BAHD1: variants seen among roughly 807,000 people sequenced by gnomAD.
The protein encoded by BAHD1 is bromo adjacent homology domain-containing 1 protein.
A neutral mutation model predicts 63.1 loss-of-function variants in BAHD1; 20 were observed. That is an observed-to-expected ratio of 0.32 (90% CI 0.22 to 0.46). BAHD1 has a LOEUF of 0.46. Ranked by LOEUF, BAHD1 falls within the 20% of genes least tolerant of loss-of-function variation. The pLI, the probability that BAHD1 is intolerant of heterozygous loss-of-function variation, is 1.00. For missense variants in BAHD1, 939 were observed against 1,071.8 expected (o/e 0.88, Z 1.73); for synonymous variants, 408 against 426.8 (o/e 0.96, Z 0.54).
chr15:40,441,228 T>C lies in BAHD1; in HGVS notation c.-55T>C. The stretch of plus-strand genomic sequence containing the variant: ...GCCGGATTCCAGCCCGGCCGGGGCC[T>C]GCGGGCGCCCAGAGCCGCGCCGTCC... On this transcript the variant is annotated 5_prime_UTR_variant, in exon 1 of 7. Transcript: ENST00000416165. The C allele has an allele frequency of 6.6e-6, 1 of 150,802 alleles. No homozygotes were observed. Among genetic ancestry groups the C allele is most frequent in the Non-Finnish European group, 1.5e-5 (1 of 67,796 alleles). The allele number at this position is 150,802 out of a possible 1,614,324, so 9.3% of individuals were successfully genotyped here. A position where few individuals can be genotyped will look rare whatever the true frequency, so the allele number is the denominator to read the frequency against.
intron 5 of BAHD1, among the ~76,000 whole-genome samples, 163 bp downstream of exon 5, chr15:40,464,710 C>G (rs894227793): frequency 6.6e-6 from 1 of 152,218 alleles, no homozygotes; most frequent in Non-Finnish European, 1.5e-5. Context: ...GATTTATTCT[C>G]TTTTCCCAAC....
At position 40,447,147 on chromosome 15, in the gene BAHD1, A is replaced by C. The variant is rs549381693; in HGVS notation, c.-15+5879A>C. Among the ~76,000 whole-genome samples, 123 of 152,334 alleles carry C rather than the reference A, an allele frequency of 8.1e-4. 1 individual carries two copies. Among genetic ancestry groups the C allele is most frequent in the Non-Finnish European group, 4.9e-4 (33 of 68,026 alleles). ...CAGGAGATCCTAACAAGTATGCCAG[A>C]AGGAGGGGTGAAGTCACGTTTCCAC... On this transcript the variant is annotated intron_variant, in intron 1 of 6. Transcript: ENST00000416165.
At chr15:40,464,422 G>A in intron 4 of BAHD1, 49 bp from the exon 5 acceptor site, 1 of 1,530,018 alleles carries the variant, frequency 6.5e-7, no homozygotes, top group Non-Finnish European at 9.0e-7. Flanking sequence ...GCCTGTCTAA[G>A]TAACTCAGGT....
intron 2 of BAHD1, 118 bp from the exon 3 acceptor site, chr15:40,461,794 G>T: frequency 7.6e-7 from 1 of 1,322,168 alleles, no homozygotes; most frequent in South Asian, 1.6e-5. Flanking sequence ...TGATCCCATC[G>T]GCCACCTCAG....
rs762690171 is a variant in BAHD1, at chr15:40,462,195, G to T, written c.1716G>T (p.Gln572His). The T allele has an allele frequency of 6.2e-7, 1 of 1,612,564 alleles. No homozygotes were observed. Among genetic ancestry groups the T allele is most frequent in the South Asian group, 1.1e-5 (1 of 91,068 alleles). ...CCCGCAGGCCTAGCCACCCCAAGCAGCCACGTGTCCAGCGCCCACGCCCTC... is the reference window on the plus strand; with the variant it reads ...CCCGCAGGCCTAGCCACCCCAAGCATCCACGTGTCCAGCGCCCACGCCCTC... ...KAARRPSHPK[Q>H]PRVQRPRPRR... Residue 572 changes from glutamine (Q) to histidine (H), a missense_variant, in exon 3 of 7, where the codon CAG becomes CAT. Around this residue, in one of 5 missense-constraint regions of BAHD1, gnomAD observed 797 missense variants for 813.3 expected, o/e 0.98. Coordinates refer to ENST00000416165, the MANE Select transcript of BAHD1 (RefSeq NM_014952.5).
chr15:40,457,417 C>G (rs1447729785), intron 1 of BAHD1, among the ~76,000 whole-genome samples: 1 of 151,944 alleles, frequency 6.6e-6, no homozygotes. Context: ...ATGGGCCCCT[C>G]AAAGCTGAGA....
rs780241246 is a variant in BAHD1 at position 40,466,025 on chromosome 15, C to T, written c.2238C>T (p.Thr746=). ...TTCCCCCCTCTGCAGACTATTCCAC[C>T]CCACCCCACCGCACAGTGCCAGAGG... ...ALVPPSADYS[T]PPHRTVPEDT... The change falls in exon 7 of 7, where the codon ACC becomes ACT. Residue 746 remains threonine, a synonymous_variant. Coordinates refer to ENST00000416165, the MANE Select transcript of BAHD1 (RefSeq NM_014952.5). 2 of 1,613,976 alleles carry T rather than the reference C, an allele frequency of 1.2e-6. No individual in the cohort carries two copies. Among genetic ancestry groups the T allele is most frequent in the East Asian group, 4.5e-5 (2 of 44,870 alleles).
At chr15:40,454,261 G>T (rs1893787128) in intron 1 of BAHD1, 1 of 152,472 alleles carries the variant, frequency 6.6e-6, no homozygotes, top group African/African-American at 2.4e-5. Context: ...TGAACCTTCA[G>T]CCCGGCATGA....
intron 3 of BAHD1, among the ~76,000 whole-genome samples, chr15:40,463,357 G>A (rs1894107503): frequency 6.6e-6 from 1 of 152,204 alleles, no homozygotes; most frequent in Non-Finnish European, 1.5e-5. Flanking sequence ...CTTCTTAGAT[G>A]CCAGAACTGA....
intron 5 of BAHD1, 52 bp downstream of exon 5, chr15:40,464,599 G>T (rs1162278223): frequency 1.3e-6 from 2 of 1,497,864 alleles, no homozygotes; most frequent in South Asian, 2.3e-5. Context: ...AGAGGGAAAG[G>T]TTATGGCACT....
chr15:40,441,696 C>A (rs532212526), intron 1 of BAHD1, among the ~76,000 whole-genome samples: 1 of 148,352 alleles, frequency 6.7e-6, no homozygotes, highest in Admixed American at 6.7e-5. Context: ...GGCTCGCCTC[C>A]GAGTGCGCGG....
At chr15:40,463,040 G>A (rs1447622222) in intron 3 of BAHD1, among the ~76,000 whole-genome samples, 1 of 152,190 alleles carries the variant, frequency 6.6e-6, no homozygotes. Flanking sequence ...GGTGGCTCAT[G>A]CATATAATCC....
At chr15:40,441,577 G>A (rs1314106653) in intron 1 of BAHD1, among the ~76,000 whole-genome samples, 9 of 148,946 alleles carry the variant, frequency 6.0e-5, no homozygotes, top group East Asian at 3.9e-4. Flanking sequence ...GGCCGGGGGC[G>A]GGGTGGGTGG....
chr15:40,446,579 GAA>G (rs1473081828), intron 1 of BAHD1, among the ~76,000 whole-genome samples: 1 of 152,014 alleles, frequency 6.6e-6, no homozygotes, highest in African/African-American at 2.4e-5. Flanking sequence ...TCCACCAGGA[GAA>G]AAAAAGGGGT....
At chr15:40,442,787 G>T (rs992463836) in intron 1 of BAHD1, among the ~76,000 whole-genome samples, 1 of 152,164 alleles carries the variant, frequency 6.6e-6, no homozygotes, top group Non-Finnish European at 1.5e-5. Context: ...AAGCTTTCCA[G>T]TCCTTTTACT....
At chr15:40,449,584 G>T (rs1442197996) in intron 1 of BAHD1, among the ~76,000 whole-genome samples, 1 of 152,036 alleles carries the variant, frequency 6.6e-6, no homozygotes, top group African/African-American at 2.4e-5. Context: ...AGGATCACTT[G>T]AGGCTAGGAC....
chr15:40,447,691 G>T (rs1303839797), intron 1 of BAHD1, among the ~76,000 whole-genome samples: 1 of 152,148 alleles, frequency 6.6e-6, no homozygotes, highest in African/African-American at 2.4e-5. Flanking sequence ...CCCAGAGGGA[G>T]GTAGACAAGG....
upstream of BAHD1, among the ~76,000 whole-genome samples, chr15:40,440,459 G>A (rs1207100973): frequency 2.0e-5 from 3 of 151,928 alleles, no homozygotes; most frequent in South Asian, 4.2e-4. Flanking sequence ...AGCAGCCTCC[G>A]GCGAGGATGG....
chr15:40,439,090 C>G (rs1893334836), upstream of BAHD1, among the ~76,000 whole-genome samples: 2 of 152,176 alleles, frequency 1.3e-5, no homozygotes, highest in South Asian at 4.1e-4. Flanking sequence ...CTGCCGGGAA[C>G]CTCTGTCCTG....
Sources: gnomAD v4.1 joint callset for allele counts (sites outside exome capture counted in the v4.1 genomes callset) on GRCh38, gnomAD v4.1.1 for gene constraint, gnomAD v4.1.1 regional missense constraint, MANE v1.5 for transcripts, NCBI Gene and HGNC (gene_info 2026-07-23, HGNC 2026-07-21) for gene names.